GYS2: variants seen among roughly 807,000 people sequenced by gnomAD.
GYS2 encodes glycogen [starch] synthase, liver.
GYS2 carries 80 observed loss-of-function variants against 85.6 expected under a neutral mutation model. The ratio of observed to expected loss-of-function variants is 0.93; its 90% CI spans 0.78 to 1.13. The LOEUF is 1.13. GYS2 is among the 50% of genes most tolerant of loss of function. The pLI, the probability that GYS2 is intolerant of heterozygous loss-of-function variation, is 0.00. For missense variants in GYS2, 881 were observed against 854.9 expected, an observed-to-expected ratio of 1.03 and a Z score of -0.38; for synonymous variants, 328 against 300.7, an observed-to-expected ratio of 1.09 and a Z score of -0.94.
chr12:21,570,547 G>C (rs993603282), intron 4 of GYS2, among the ~76,000 whole-genome samples: 2 of 152,202 alleles, frequency 1.3e-5, no homozygotes, highest in Admixed American at 6.5e-5. Flanking sequence ...CTCCAAATTG[G>C]TTGGATGAAT....
At chr12:21,556,789 G>A (rs926826991) in intron 11 of GYS2, among the ~76,000 whole-genome samples, 1 of 152,240 alleles carries the variant, frequency 6.6e-6, no homozygotes, top group African/African-American at 2.4e-5. Flanking sequence ...GTATCCATCA[G>A]TCACTAAGGA....
intron 5 of GYS2, 128 bp from the exon 6 acceptor site, chr12:21,563,473 T>C: frequency 3.2e-6 from 2 of 625,860 alleles, no homozygotes; most frequent in Non-Finnish European, 5.7e-6. Context: ...TACCATAAAA[T>C]TTAAAATTTA....
chr12:21,595,150 G>A (rs1167830517), intron 1 of GYS2, among the ~76,000 whole-genome samples: 1 of 152,164 alleles, frequency 6.6e-6, no homozygotes, highest in African/African-American at 2.4e-5. Flanking sequence ...CAGGATCTTG[G>A]CGGATGGGAG....
In GYS2 at chr12:21,560,457, G is replaced by GA. The variant is rs749311789; in HGVS notation, c.1097dup (p.Ile367HisfsTer8). On this transcript the variant is annotated frameshift_variant, in exon 8 of 16. Transcript: ENST00000261195. LOFTEE classifies it high-confidence loss of function. The stretch of plus-strand genomic sequence containing the variant: ...AATTATTTGTCTTGGCAGGCATAAT[G>GA]AAAAACACCATCACTGTGATGTCAC... 11 of 1,601,264 alleles carry GA rather than the reference G, an allele frequency of 6.9e-6. 1 individual carries two copies. The South Asian group carries it at 1.1e-4, about 16-fold the overall frequency.
At chr12:21,541,471 CAATAAT>C (rs753282426) in intron 13 of GYS2, among the ~76,000 whole-genome samples, 1 of 151,502 alleles carries the variant, frequency 6.6e-6, no homozygotes, top group Non-Finnish European at 1.5e-5. Flanking sequence ...GTAATGATAA[CAATAAT>C]AATAATATAT....
Position 21,546,486 on chromosome 12 carries a change from T to C in GYS2, c.1423-16A>G. On this transcript the variant is annotated splice_polypyrimidine_tract_variant and intron_variant, in intron 11 of 15. Coordinates refer to ENST00000261195, the MANE Select transcript of GYS2 (RefSeq NM_021957.4). ...GCAAAATCACCTAAAAAAGGAAAAT[T>C]CTAATTTAAAAAAAAAGAAAAAGGA... is the stretch of plus-strand genomic sequence containing the variant. 6.4e-7 allele frequency: 1 copy of C among 1,563,212 alleles called. No homozygotes were observed. Among genetic ancestry groups the C allele is most frequent in the Non-Finnish European group, 8.7e-7 (1 of 1,144,632 alleles).
chr12:21,540,392 T>C lies in GYS2; in HGVS notation c.1809+18A>G. 1 of 1,609,774 alleles carries C rather than the reference T, an allele frequency of 6.2e-7. No homozygotes were observed. On this transcript the variant is annotated intron_variant, in intron 14 of 15. Coordinates refer to ENST00000261195, the MANE Select transcript of GYS2 (RefSeq NM_021957.4). The stretch of plus-strand genomic sequence containing the variant: ...GAATTTTTTAAGTGGTCTGCTGTGT[T>C]TATCTAAACTTGCTTACTCTGCCTA...
At chr12:21,546,759 A>T (rs574699519) in intron 11 of GYS2, among the ~76,000 whole-genome samples, 13 of 152,172 alleles carry the variant, frequency 8.5e-5, no homozygotes, top group Non-Finnish European at 1.6e-4. Flanking sequence ...ACACTAAACT[A>T]TATCCTCCAG....
At position 21,604,638 on chromosome 12, in the gene GYS2, A is replaced by C. The variant is rs1944787595; in HGVS notation, c.-46T>G. ...ACTCCTTTGAATTCCTGTTTCAATT[A>C]GTTGTAATCCCAGGAGAAGAGAACT... On this transcript the variant is annotated 5_prime_UTR_variant, in exon 1 of 16. Transcript: ENST00000261195. 2.5e-6 allele frequency: 4 copies of C among 1,610,106 alleles called. No homozygotes were observed. The highest frequency in any genetic ancestry group is 3.4e-6 in the Non-Finnish European group (4 of 1,177,286).
At position 21,536,979 on chromosome 12, in the gene GYS2, T is replaced by C. The variant is rs1258615047; in HGVS notation, c.2087A>G (p.Lys696Arg). The C allele has an allele frequency of 6.2e-7, 1 of 1,613,312 alleles. No homozygotes were observed. Among genetic ancestry groups the C allele is most frequent in the Non-Finnish European group, 8.5e-7 (1 of 1,179,312 alleles). Residue 696 changes from lysine to arginine, a missense_variant, in exon 16 of 16, where the codon AAG (lysine) becomes AGG (arginine). Transcript: ENST00000261195. ...TCAGTTCTTATATTCACCATGCAGC[T>C]TTTTCTTCCCATGAGGAACGTGGCT... ...SLSHVPHGKK[K>R]LHGEYKN is the part of the protein sequence containing the mutation.
At chr12:21,596,898 A>G (rs1452941114) in intron 1 of GYS2, among the ~76,000 whole-genome samples, 1 of 152,174 alleles carries the variant, frequency 6.6e-6, no homozygotes, top group African/African-American at 2.4e-5. Context: ...ATAATTCAGC[A>G]AAGTTTCCAG....
intron 1 of GYS2, among the ~76,000 whole-genome samples, chr12:21,594,190 A>G (rs1743980777): frequency 6.6e-6 from 1 of 152,176 alleles, no homozygotes; most frequent in African/African-American, 2.4e-5. Flanking sequence ...GAACTGAAAC[A>G]AAATAAGGAT....
intron 1 of GYS2, among the ~76,000 whole-genome samples, chr12:21,591,664 A>G (rs1486762643): frequency 6.6e-6 from 1 of 152,144 alleles, no homozygotes; most frequent in African/African-American, 2.4e-5. Context: ...AATATAATGC[A>G]AAAAGCTCTT....
chr12:21,588,091 G>T (rs140997944), intron 1 of GYS2, among the ~76,000 whole-genome samples: 1 of 152,200 alleles, frequency 6.6e-6, no homozygotes, highest in Non-Finnish European at 1.5e-5. Context: ...AGAGCAAGGG[G>T]ATGACTCAAG....
intron 1 of GYS2, among the ~76,000 whole-genome samples, chr12:21,599,542 G>A (rs1197265928): frequency 3.9e-5 from 6 of 152,162 alleles, no homozygotes; most frequent in Non-Finnish European, 8.8e-5. Flanking sequence ...TGAAAAGGAA[G>A]TGAGTAGACT....
chr12:21,566,671 T>C (rs1261667351), intron 5 of GYS2, among the ~76,000 whole-genome samples: 11 of 152,196 alleles, frequency 7.2e-5, no homozygotes, highest in Admixed American at 7.2e-4. Context: ...GTTTTTTCCA[T>C]ATGTTAACGT....
In GYS2 at chr12:21,604,814, TA is replaced by T; in HGVS notation, c.-223del. On this transcript the variant is annotated 5_prime_UTR_variant, in exon 1 of 16. Coordinates refer to ENST00000261195, the MANE Select transcript of GYS2 (RefSeq NM_021957.4). ...CCTCTTTCTCGTCTTTCTGGGCAGG[TA>T]TTGTGAGGACGGTATCTGCCCTGTC... 7.6e-7 allele frequency: 1 copy of T among 1,317,972 alleles called. No homozygotes were observed. Among genetic ancestry groups the T allele is most frequent in the Non-Finnish European group, 9.8e-7 (1 of 1,024,118 alleles). The allele number at this position is 1,317,972 out of a possible 1,614,324, so 81.6% of individuals were successfully genotyped here.
chr12:21,551,160 C>G (rs1354565561), intron 11 of GYS2, among the ~76,000 whole-genome samples: 1 of 102,990 alleles, frequency 9.7e-6, no homozygotes, highest in African/African-American at 3.9e-5. Context: ...TCCCTCCCCC[C>G]TCCCCCCACC....
intron 1 of GYS2, among the ~76,000 whole-genome samples, chr12:21,591,883 C>A (rs896730503): frequency 6.6e-6 from 1 of 151,884 alleles, no homozygotes; most frequent in Non-Finnish European, 1.5e-5. Flanking sequence ...GATGTTATAC[C>A]CAGCAACATT....
Sources: allele counts gnomAD v4.1 joint callset (sites outside exome capture counted in the v4.1 genomes callset), GRCh38; gene constraint gnomAD v4.1.1; transcripts MANE v1.5; gene names NCBI Gene and HGNC (gene_info 2026-07-23, HGNC 2026-07-21).